PARD3: variants seen among roughly 807,000 people sequenced by gnomAD.
PARD3 encodes the protein par-3 family cell polarity regulator, also known as partitioning defective 3 homolog.
In PARD3, 75 loss-of-function variants were observed where a neutral mutation model predicts 155.4. The ratio of observed to expected loss-of-function variants is 0.48; its 90% CI spans 0.40 to 0.58. The LOEUF is 0.58. Among genes scored for constraint, PARD3 ranks in the 20% least tolerant of loss-of-function variants. The pLI, the probability that PARD3 is intolerant of heterozygous loss-of-function variation, is 0.00. For synonymous variants in PARD3, 576 were observed against 610.5 expected, an observed-to-expected ratio of 0.94 and a Z score of 0.83; for missense variants, 1,642 against 1,721.7, an observed-to-expected ratio of 0.95 and a Z score of 0.82.
intron 3 of PARD3, among the ~76,000 whole-genome samples, chr10:34,487,033 G>C (rs550722166): frequency 6.6e-6 from 1 of 151,816 alleles, no homozygotes; most frequent in Non-Finnish European, 1.5e-5. Context: ...CAAATCAGAC[G>C]TCATAACTCA....
intron 22 of PARD3, among the ~76,000 whole-genome samples, chr10:34,245,116 T>A (rs920170841): frequency 6.6e-6 from 1 of 152,144 alleles, no homozygotes; most frequent in African/African-American, 2.4e-5. Context: ...ACAATCCTGT[T>A]TAGACACCCA....
intron 2 of PARD3, among the ~76,000 whole-genome samples, chr10:34,657,737 C>A (rs2093214926): frequency 6.6e-6 from 1 of 152,048 alleles, no homozygotes; most frequent in African/African-American, 2.4e-5. Context: ...CGTGGTTTCG[C>A]CATGTTGGCC....
chr10:34,178,737 G>A (rs1375007835), intron 22 of PARD3, among the ~76,000 whole-genome samples: 1 of 152,126 alleles, frequency 6.6e-6, no homozygotes, highest in Admixed American at 6.5e-5. Flanking sequence ...CTCTGTGGTA[G>A]AAAGAAAAAA....
intron 22 of PARD3, among the ~76,000 whole-genome samples, chr10:34,138,134 T>A (rs1947998807): frequency 6.6e-6 from 1 of 152,224 alleles, no homozygotes; most frequent in African/African-American, 2.4e-5. Context: ...AAGACAGGCA[T>A]CACATTTTAC....
chr10:34,486,652 A>C (rs1393438987), intron 3 of PARD3, among the ~76,000 whole-genome samples: 3 of 152,174 alleles, frequency 2.0e-5, no homozygotes, highest in Admixed American at 2.0e-4. Flanking sequence ...GAGACTGTCA[A>C]AGGTTGATGT....
At chr10:34,772,147 G>A (rs865939702) in intron 1 of PARD3, among the ~76,000 whole-genome samples, 7 of 152,296 alleles carry the variant, frequency 4.6e-5, no homozygotes, top group South Asian at 2.1e-4. Context: ...AGCTCACTGG[G>A]CGTGGTGGCT....
chr10:34,314,053 A>G (rs1957851895), intron 20 of PARD3, among the ~76,000 whole-genome samples: 1 of 152,186 alleles, frequency 6.6e-6, no homozygotes, highest in Admixed American at 6.5e-5. Flanking sequence ...ACTAAGAAAT[A>G]TATGTGCACA....
At position 34,317,106 on chromosome 10, in the gene PARD3, C is replaced by A; in HGVS notation, c.3065+1G>T. 6.5e-7 allele frequency: 1 copy of A among 1,549,238 alleles called. No homozygotes were observed. The highest frequency in any genetic ancestry group is 8.7e-7 in the Non-Finnish European group (1 of 1,146,456). On this transcript the variant is annotated splice_donor_variant, in intron 20 of 24. Coordinates refer to ENST00000374788, the MANE Select transcript of PARD3 (RefSeq NM_001184785.2). LOFTEE classifies it high-confidence loss of function. ...TCTGGTTTGGGATGGTAACGACTTACCTGAACATGTCTCCCAAGCCCTTCA... is the reference window on the plus strand; with the variant it reads ...TCTGGTTTGGGATGGTAACGACTTAACTGAACATGTCTCCCAAGCCCTTCA...
chr10:34,738,946 G>C (rs74134408), intron 1 of PARD3, among the ~76,000 whole-genome samples: 2 of 152,170 alleles, frequency 1.3e-5, no homozygotes, highest in Non-Finnish European at 2.9e-5. Flanking sequence ...ACAAATGGGG[G>C]TGTTCAGTAA....
intron 24 of PARD3, among the ~76,000 whole-genome samples, chr10:34,119,405 T>A (rs985337043): frequency 1.3e-5 from 2 of 152,074 alleles, no homozygotes; most frequent in Non-Finnish European, 2.9e-5. Context: ...AATACTGGCA[T>A]CTCCTGCAAT....
At chr10:34,420,710 T>C (rs1846102564) in intron 5 of PARD3, among the ~76,000 whole-genome samples, 1 of 152,194 alleles carries the variant, frequency 6.6e-6, no homozygotes, top group Non-Finnish European at 1.5e-5. Context: ...ATCACTTGCA[T>C]GCACAAATAG....
At chr10:34,618,207 C>T (rs1200304269) in intron 2 of PARD3, among the ~76,000 whole-genome samples, 5 of 152,174 alleles carry the variant, frequency 3.3e-5, no homozygotes, top group Admixed American at 6.5e-5. Context: ...AAGTGTTCAA[C>T]GATTTTCCAT....
At chr10:34,673,579 CACATTACT>C (rs1325716732) in intron 2 of PARD3, among the ~76,000 whole-genome samples, 1 of 152,132 alleles carries the variant, frequency 6.6e-6, no homozygotes, top group Non-Finnish European at 1.5e-5. Flanking sequence ...TTATCAAGAA[CACATTACT>C]CCTTTAGGGC....
In PARD3 at chr10:34,502,296, T is replaced by C. The variant is rs531365181; in HGVS notation, c.403+14683A>G. Among the ~76,000 whole-genome samples the C allele has an allele frequency of 1.5e-4, 23 of 152,030 alleles. No homozygotes were observed. The East Asian group carries it at 1.7e-3, about 12-fold the overall frequency. On this transcript the variant is annotated intron_variant, in intron 3 of 24. Coordinates refer to ENST00000374788, the MANE Select transcript of PARD3 (RefSeq NM_001184785.2). The stretch of plus-strand genomic sequence containing the variant: ...GAAGAGTCAGAGAGAGATGTAACCA[T>C]AGAAGAAGGGTCCACAAGGTACAAG...
chr10:34,285,096 C>A (rs1488689656), intron 20 of PARD3, among the ~76,000 whole-genome samples: 1 of 152,182 alleles, frequency 6.6e-6, no homozygotes, highest in African/African-American at 2.4e-5. Flanking sequence ...GGAATGCATG[C>A]ACTCTATATC....
intron 11 of PARD3, among the ~76,000 whole-genome samples, chr10:34,372,793 T>C (rs530568496): frequency 2.0e-5 from 3 of 152,278 alleles, no homozygotes; most frequent in East Asian, 3.9e-4. Flanking sequence ...ATGAATTTAT[T>C]ATCTGGAGGA....
At chr10:34,380,596 T>C (rs182932971) in intron 9 of PARD3, among the ~76,000 whole-genome samples, 19 of 152,294 alleles carry the variant, frequency 1.2e-4, no homozygotes, top group Non-Finnish European at 2.4e-4. Flanking sequence ...TTTAATACTT[T>C]ACCTTTATCT....
intron 1 of PARD3, among the ~76,000 whole-genome samples, chr10:34,801,473 T>C (rs1842836432): frequency 6.6e-6 from 1 of 152,202 alleles, no homozygotes. Context: ...GAGGTAGTCC[T>C]CTTGAATACA....
chr10:34,260,006 G>C (rs1191798694), intron 22 of PARD3, among the ~76,000 whole-genome samples: 1 of 151,906 alleles, frequency 6.6e-6, no homozygotes, highest in Non-Finnish European at 1.5e-5. Context: ...CTATGCCCAG[G>C]TAATTTTATT....
Sources: gnomAD v4.1 joint callset for allele counts (sites outside exome capture counted in the v4.1 genomes callset) on GRCh38, gnomAD v4.1.1 for gene constraint, MANE v1.5 for transcripts, NCBI Gene and HGNC (gene_info 2026-07-23, HGNC 2026-07-21) for gene names.